ACVR1: variants seen among roughly 807,000 people sequenced by gnomAD.
ACVR1 encodes the protein activin A receptor type 1.
Under a neutral mutation model 57.1 loss-of-function variants are expected in ACVR1, and 38 were observed. That is an observed-to-expected ratio of 0.67 (90% confidence interval 0.51 to 0.87). The LOEUF (loss-of-function observed/expected upper bound fraction) is 0.87. Among genes scored for constraint, ACVR1 ranks in the 40% least tolerant of loss-of-function variants. The pLI, the probability that ACVR1 is intolerant of heterozygous loss-of-function variation, is 0.00. For missense variants in ACVR1, 463 were observed against 638.2 expected (o/e 0.73, Z 2.96); for synonymous variants, 212 against 228.1 (o/e 0.93, Z 0.63).
intron 3 of ACVR1, among the ~76,000 whole-genome samples, 176 bp from the exon 4 acceptor site, chr2:157,780,776 A>T (rs537573359): frequency 3.3e-5 from 5 of 152,274 alleles, no homozygotes; most frequent in African/African-American, 9.6e-5. Context: ...CCAACCAACA[A>T]ATAATAATTG....
intron 8 of ACVR1, among the ~76,000 whole-genome samples, chr2:157,763,826 A>G (rs1685755419): frequency 1.3e-5 from 2 of 152,198 alleles, no homozygotes; most frequent in African/African-American, 4.8e-5. Flanking sequence ...TTATGGTCTT[A>G]TAAGAGTTGT....
intron 2 of ACVR1, among the ~76,000 whole-genome samples, chr2:157,813,812 A>C (rs147868700): frequency 3.9e-5 from 6 of 152,350 alleles, no homozygotes; most frequent in African/African-American, 1.2e-4. Context: ...AATTCAACCT[A>C]ACCCTAATTA....
chr2:157,740,163 T>G (rs1684696896), intron 9 of ACVR1, among the ~76,000 whole-genome samples: 1 of 150,340 alleles, frequency 6.7e-6, no homozygotes, highest in African/African-American at 2.5e-5. Context: ...CCAGCCTGGG[T>G]GACAGAGTGA....
At chr2:157,780,801 G>A (rs762893871) in intron 3 of ACVR1, among the ~76,000 whole-genome samples, 4 of 151,944 alleles carry the variant, frequency 2.6e-5, no homozygotes, top group East Asian at 1.9e-4. Flanking sequence ...TCAACATAGC[G>A]ATTCATTTAT....
At chr2:157,771,321 C>T (rs982957996) in intron 6 of ACVR1, among the ~76,000 whole-genome samples, 4 of 152,218 alleles carry the variant, frequency 2.6e-5, no homozygotes, top group African/African-American at 9.6e-5. Context: ...GGCAACTCTA[C>T]TTGTGATCTA....
At chr2:157,825,860 G>A (rs1353651402) in intron 1 of ACVR1, among the ~76,000 whole-genome samples, 1 of 152,084 alleles carries the variant, frequency 6.6e-6, no homozygotes, top group Non-Finnish European at 1.5e-5. Flanking sequence ...AGAAGGAAAT[G>A]GCCACTTCTT....
At chr2:157,750,840 C>A (rs1685161572) in intron 9 of ACVR1, among the ~76,000 whole-genome samples, 1 of 151,332 alleles carries the variant, frequency 6.6e-6, no homozygotes, top group Non-Finnish European at 1.5e-5. Flanking sequence ...TAAAAATACA[C>A]AAATAAATTG....
At chr2:157,814,441 T>C (rs1282922896) in intron 2 of ACVR1, among the ~76,000 whole-genome samples, 2 of 152,244 alleles carry the variant, frequency 1.3e-5, no homozygotes, top group Non-Finnish European at 1.5e-5. Flanking sequence ...TTTTTACCTA[T>C]TGCTTTGGCA....
At chr2:157,749,597 A>G (rs1685102070) in intron 9 of ACVR1, among the ~76,000 whole-genome samples, 1 of 152,226 alleles carries the variant, frequency 6.6e-6, no homozygotes, top group African/African-American at 2.4e-5. Context: ...TGTGAGAAGA[A>G]CAAAAAAGGA....
chr2:157,752,829 T>C (rs764527473), intron 9 of ACVR1, among the ~76,000 whole-genome samples: 3 of 152,008 alleles, frequency 2.0e-5, no homozygotes, highest in Admixed American at 6.6e-5. Context: ...TGGAAACATA[T>C]CAAAACGGAA....
At position 157,745,726 on chromosome 2, in the gene ACVR1, C is replaced by T. The variant is rs146697085; in HGVS notation, c.1265-7156G>A. 4.3e-4 allele frequency among the ~76,000 whole-genome samples: 66 copies of T among 152,196 alleles called. No homozygotes were observed. In the East Asian group the frequency reaches 0.012, roughly 28 times the overall value. On this transcript the variant is annotated intron_variant, in intron 9 of 10. Transcript: ENST00000434821. ...AAAATTGGCCCTAATATGATTTATC[C>T]TCTTATGCAAACCTTAATACACACA...
At chr2:157,753,354 C>G (rs1353344499) in intron 9 of ACVR1, among the ~76,000 whole-genome samples, 3 of 152,036 alleles carry the variant, frequency 2.0e-5, no homozygotes, top group African/African-American at 4.8e-5. Context: ...ATGGTGAAAC[C>G]CTGTTTCTCC....
intron 9 of ACVR1, among the ~76,000 whole-genome samples, chr2:157,747,604 G>A (rs940092517): frequency 1.3e-5 from 2 of 152,208 alleles, no homozygotes. Context: ...AGAAAAAGAT[G>A]TGAATGTTAA....
At chr2:157,805,594 T>C (rs930357026) in intron 2 of ACVR1, among the ~76,000 whole-genome samples, 4 of 151,918 alleles carry the variant, frequency 2.6e-5, no homozygotes, top group Non-Finnish European at 5.9e-5. Context: ...TGTGGAAAAA[T>C]AATTTATGGA....
At chr2:157,873,355 T>C (rs560311373) in intron 1 of ACVR1, among the ~76,000 whole-genome samples, 2 of 152,342 alleles carry the variant, frequency 1.3e-5, no homozygotes, top group South Asian at 2.1e-4. Flanking sequence ...AAAAAGTACC[T>C]GTGAAGAGCT....
At chr2:157,848,363 T>C (rs1245189477) in intron 1 of ACVR1, among the ~76,000 whole-genome samples, 1 of 152,200 alleles carries the variant, frequency 6.6e-6, no homozygotes, top group Admixed American at 6.5e-5. Flanking sequence ...AAGCTCAAAA[T>C]AGCCCATGCA....
intron 1 of ACVR1, among the ~76,000 whole-genome samples, chr2:157,856,118 C>T (rs1689525119): frequency 6.6e-6 from 1 of 152,130 alleles, no homozygotes; most frequent in Non-Finnish European, 1.5e-5. Flanking sequence ...ATTATATCCT[C>T]CCAGCCCTTA....
At chr2:157,810,517 G>A (rs947950640) in intron 2 of ACVR1, among the ~76,000 whole-genome samples, 3 of 152,148 alleles carry the variant, frequency 2.0e-5, no homozygotes, top group Non-Finnish European at 4.4e-5. Context: ...AATTCAAAAT[G>A]CTAACAAGTG....
At position 157,799,508 on chromosome 2, in the gene ACVR1, G is replaced by A. The variant is rs1179023597; in HGVS notation, c.-7-8C>T. The A allele has an allele frequency of 1.9e-6, 3 of 1,601,974 alleles. No individual in the cohort carries two copies. The African/African-American group carries it at 4.0e-5, about 21-fold the overall frequency. ...CCATCTACCATTGTACAACTGTAAA[G>A]GGAAAAGAAGAGATGTAAGTAAAGC... On this transcript the variant is annotated splice_polypyrimidine_tract_variant and splice_region_variant and intron_variant, in intron 2 of 10. Transcript: ENST00000434821.
Sources: gnomAD v4.1 joint callset for allele counts (sites outside exome capture counted in the v4.1 genomes callset) on GRCh38, gnomAD v4.1.1 for gene constraint, MANE v1.5 for transcripts, NCBI Gene and HGNC (gene_info 2026-07-23, HGNC 2026-07-21) for gene names.